ABCC9: variants seen among roughly 807,000 people sequenced by gnomAD.
The protein encoded by ABCC9 is ATP-binding cassette sub-family C member 9.
In ABCC9, 95 loss-of-function variants were observed where a neutral mutation model predicts 188.3. The ratio of observed to expected loss-of-function variants is 0.50; its 90% CI spans 0.43 to 0.60. The LOEUF (loss-of-function observed/expected upper bound fraction) is 0.60, where lower values mean the gene tolerates loss of function less well. ABCC9 is among the 20% of genes least tolerant of loss of function. The probability of loss-of-function intolerance (pLI) is 0.00; values close to 1 mark genes in which losing one functional copy is unlikely to be tolerated. For missense variants in ABCC9, 1,102 were observed against 1,876.3 expected (o/e 0.59, Z 7.62); for synonymous variants, 659 against 652.7 (o/e 1.01, Z -0.15).
At chr12:21,810,635 C>G (rs539550594) in intron 36 of ABCC9, among the ~76,000 whole-genome samples, 1 of 151,996 alleles carries the variant, frequency 6.6e-6, no homozygotes, top group Non-Finnish European at 1.5e-5. Flanking sequence ...TGGGGGTAAC[C>G]GCCCCCATGA....
At chr12:21,915,007 T>A (rs954401188) in intron 7 of ABCC9, among the ~76,000 whole-genome samples, 3 of 151,398 alleles carry the variant, frequency 2.0e-5, no homozygotes, top group African/African-American at 7.3e-5. Context: ...TTCAAGCAAT[T>A]CTCCTGCCTC....
chr12:21,900,735 T>G, intron 12 of ABCC9, among the ~76,000 whole-genome samples: 1 of 151,948 alleles, frequency 6.6e-6, no homozygotes, highest in South Asian at 2.1e-4. Context: ...ATGAATGAAA[T>G]GAAGTGAGAA....
At position 21,809,926 on chromosome 12, in the gene ABCC9, G is replaced by T; in HGVS notation, c.4241C>A (p.Thr1414Lys). 6.2e-7 allele frequency: 1 copy of T among 1,612,110 alleles called. No individual in the cohort carries two copies. The highest frequency in any genetic ancestry group is 8.5e-7 in the Non-Finnish European group (1 of 1,179,000). The change falls in exon 37 of 40, where the codon ACA (threonine) becomes AAA (lysine). Residue 1414 changes from threonine (T) to lysine (K), a missense_variant. Transcript: ENST00000261200. ...RFNLDPECKCTDDRLWEALEI... is the reference protein window; with the variant it reads ...RFNLDPECKCKDDRLWEALEI... The stretch of plus-strand genomic sequence containing the variant: ...TAAGGCTTCCCAGAGTCTGTCATCT[G>T]TGCATTTGCACTCTGGATCTAAATT...
chr12:21,908,200 G>A lies in ABCC9; in HGVS notation c.1332C>T (p.Gly444=), dbSNP rs369830406. 60 of 1,612,290 alleles carry A rather than the reference G, an allele frequency of 3.7e-5. No individual in the cohort carries two copies. In the African/African-American group the frequency reaches 4.3e-4, roughly 11 times the overall value. ...CAAGTAAATTATAGAGCAGAATCAC[G>A]CCCATTATGATCTAGAGAGAAAAAC... ...LWAMPVQIIM[G]VILLYNLLGS... Residue 444 remains glycine, a synonymous_variant, in exon 11 of 40, where the codon GGC becomes GGT. Coordinates refer to ENST00000261200, the MANE Select transcript of ABCC9 (RefSeq NM_020297.4).
At chr12:21,819,326 A>T (rs1253395621) in intron 31 of ABCC9, among the ~76,000 whole-genome samples, 1 of 152,334 alleles carries the variant, frequency 6.6e-6, no homozygotes, top group African/African-American at 2.4e-5. Flanking sequence ...CCTCAAAAAA[A>T]ATCTCACAAC....
Position 21,941,324 on chromosome 12 carries a change from C to T in ABCC9, c.-261G>A, listed in dbSNP as rs1949673597. On this transcript the variant is annotated 5_prime_UTR_variant, in exon 1 of 40. Coordinates refer to ENST00000261200, the MANE Select transcript of ABCC9 (RefSeq NM_020297.4). This position sits in a 1 kb window ranked among gnomAD's most constrained non-coding sequence, Gnocchi z 5.4. ...CTAAATTGCACAGACTGCTCTGGGC[C>T]GGGGCAGACACCGCGGCTGAGAAGC... 2 of 152,348 alleles carry T rather than the reference C, an allele frequency of 1.3e-5. No homozygotes were observed. The highest frequency in any genetic ancestry group is 4.1e-4 in the South Asian group (2 of 4,834). The allele number at this position is 152,348 out of a possible 1,614,324, so 9.4% of individuals were successfully genotyped here. A position where few individuals can be genotyped will look rare whatever the true frequency, so the allele number is the denominator to read the frequency against.
chr12:21,893,005 T>C (rs1008073170), intron 14 of ABCC9, among the ~76,000 whole-genome samples: 4 of 152,172 alleles, frequency 2.6e-5, no homozygotes, highest in Admixed American at 6.6e-5. Context: ...GATATAAATA[T>C]GATAATGATT....
In ABCC9 at chr12:21,899,419, T is replaced by A. The variant is rs376656091; in HGVS notation, c.1619-4104A>T. Among the ~76,000 whole-genome samples the A allele has an allele frequency of 1.7e-3, 252 of 152,248 alleles. 3 individuals are homozygous for A. The South Asian group carries it at 0.033, about 20-fold the overall frequency. Reference sequence around the variant, plus strand: ...GACGGGTGACTTCTGCATTTCCAACTGAGGTACCAGGTTCATGTCACTGGG... The same window carrying A: ...GACGGGTGACTTCTGCATTTCCAACAGAGGTACCAGGTTCATGTCACTGGG... On this transcript the variant is annotated intron_variant, in intron 12 of 39. Coordinates refer to ENST00000261200, the MANE Select transcript of ABCC9 (RefSeq NM_020297.4).
At chr12:21,861,521 T>C (rs1327222128) in intron 20 of ABCC9, among the ~76,000 whole-genome samples, 2 of 152,114 alleles carry the variant, frequency 1.3e-5, no homozygotes, top group East Asian at 3.9e-4. Context: ...CGTGAACCAC[T>C]ACGCCCAGCT....
Position 21,805,222 on chromosome 12 carries a change from G to A in ABCC9, c.4512+776C>T, listed in dbSNP as rs776207326. 8.7e-6 allele frequency: 14 copies of A among 1,613,988 alleles called. No homozygotes were observed. The highest frequency in any genetic ancestry group is 1.0e-5 in the Non-Finnish European group (12 of 1,179,928). On this transcript the variant is annotated intron_variant, in intron 39 of 39. Coordinates refer to ENST00000261200, the MANE Select transcript of ABCC9 (RefSeq NM_020297.4). ...TGGAAAAGAGGCCATTCTTGTGGGC[G>A]AGCAAATTTGGGACAGTATCACACT...
intron 31 of ABCC9, among the ~76,000 whole-genome samples, chr12:21,818,459 T>C (rs1420930114): frequency 2.0e-5 from 2 of 101,104 alleles, no homozygotes; most frequent in Non-Finnish European, 4.4e-5. Flanking sequence ...TCTCACTATA[T>C]ATATCTATAT....
intron 18 of ABCC9, among the ~76,000 whole-genome samples, chr12:21,867,490 A>G (rs1945837522): frequency 6.6e-6 from 1 of 152,210 alleles, no homozygotes; most frequent in Non-Finnish European, 1.5e-5. Context: ...AAGTCGACAC[A>G]GTGTATTAGC....
chr12:21,916,158 T>C (rs984520888), intron 6 of ABCC9, among the ~76,000 whole-genome samples: 11 of 152,198 alleles, frequency 7.2e-5, no homozygotes, highest in South Asian at 2.1e-4. Context: ...CTTAACCTTT[T>C]AAAAGATAGT....
At chr12:21,805,097 A>T (rs936298878) in intron 39 of ABCC9, 11 of 1,595,846 alleles carry the variant, frequency 6.9e-6, no homozygotes, top group Non-Finnish European at 9.5e-6. Context: ...TCACAGCATT[A>T]GCCATGCCTT....
chr12:21,935,512 C>G (rs551878806), intron 3 of ABCC9, among the ~76,000 whole-genome samples: 7 of 152,228 alleles, frequency 4.6e-5, no homozygotes, highest in African/African-American at 1.7e-4. Context: ...GAATGATTTT[C>G]AAACATTCCC....
At chr12:21,819,888 T>C (rs1006385027) in intron 31 of ABCC9, among the ~76,000 whole-genome samples, 5 of 152,198 alleles carry the variant, frequency 3.3e-5, no homozygotes, top group Non-Finnish European at 5.9e-5. Flanking sequence ...TAGTAAATAC[T>C]TTTTTGATTG....
intron 12 of ABCC9, among the ~76,000 whole-genome samples, chr12:21,898,429 A>G (rs1035376562): frequency 6.6e-6 from 1 of 152,230 alleles, no homozygotes; most frequent in African/African-American, 2.4e-5. Flanking sequence ...CCTGTCTTCT[A>G]GCATTTTGAC....
intron 16 of ABCC9, among the ~76,000 whole-genome samples, chr12:21,878,886 T>C (rs139306254): frequency 5.9e-5 from 9 of 152,142 alleles, no homozygotes; most frequent in Admixed American, 1.3e-4. Context: ...TTTTACAAAA[T>C]GCACTAAATT....
At chr12:21,849,851 T>C (rs1257908573) in intron 24 of ABCC9, among the ~76,000 whole-genome samples, 2 of 152,156 alleles carry the variant, frequency 1.3e-5, no homozygotes, top group Non-Finnish European at 2.9e-5. Flanking sequence ...AAGAAGATAA[T>C]GGTTCATGTC....
Sources: gnomAD v4.1 joint callset for allele counts (sites outside exome capture counted in the v4.1 genomes callset) on GRCh38, gnomAD v4.1.1 for gene constraint, Gnocchi (gnomAD v3.1) non-coding constraint, MANE v1.5 for transcripts, NCBI Gene and HGNC (gene_info 2026-07-23, HGNC 2026-07-21) for gene names.